CAP2: variants seen among roughly 807,000 people sequenced by gnomAD.
The protein encoded by CAP2 is adenylyl cyclase-associated protein 2.
A neutral mutation model predicts 57.7 loss-of-function variants in CAP2; 24 were observed. The observed-to-expected ratio is 0.42, with a 90% CI of 0.30 to 0.58. The LOEUF is 0.58. CAP2 is among the 20% of genes least tolerant of loss of function. The pLI, the probability that CAP2 is intolerant of heterozygous loss-of-function variation, is 0.22. For synonymous variants in CAP2, 194 were observed against 207.2 expected, an observed-to-expected ratio of 0.94 and a Z score of 0.55; for missense variants, 501 against 590.3, an observed-to-expected ratio of 0.85 and a Z score of 1.57.
At chr6:17,467,362 T>C (rs1760891631) in intron 4 of CAP2, among the ~76,000 whole-genome samples, 1 of 152,262 alleles carries the variant, frequency 6.6e-6, no homozygotes. Flanking sequence ...AATGAATTTT[T>C]AAAAACTTTT....
At chr6:17,507,797 C>G in intron 6 of CAP2, 71 bp downstream of exon 6, 1 of 830,064 alleles carries the variant, frequency 1.2e-6, no homozygotes, top group Non-Finnish European at 2.1e-6. Context: ...AAAACTCAGT[C>G]CAGTTAACTA....
intron 3 of CAP2, among the ~76,000 whole-genome samples, chr6:17,459,679 T>A (rs780956035): frequency 1.3e-4 from 20 of 151,952 alleles, no homozygotes; most frequent in Non-Finnish European, 2.8e-4. Context: ...AAAAAGGAAA[T>A]TTAAAGTCTG....
chr6:17,543,569 G>A (rs1350527949), intron 11 of CAP2, among the ~76,000 whole-genome samples: 4 of 147,830 alleles, frequency 2.7e-5, no homozygotes, highest in Non-Finnish European at 4.4e-5. Flanking sequence ...TGCAGTGAGC[G>A]AGCCAAGATC....
intron 3 of CAP2, among the ~76,000 whole-genome samples, chr6:17,431,607 A>G (rs1203263103): frequency 6.6e-6 from 1 of 152,168 alleles, no homozygotes; most frequent in Admixed American, 6.5e-5. Flanking sequence ...ACTTTGTGCC[A>G]TGCTGTTCAG....
intron 11 of CAP2, among the ~76,000 whole-genome samples, chr6:17,548,260 A>G (rs1388154904): frequency 6.6e-6 from 1 of 151,774 alleles, no homozygotes; most frequent in Non-Finnish European, 1.5e-5. Flanking sequence ...TCAGCTACTC[A>G]GGAGGCTGAG....
Position 17,528,619 on chromosome 6 carries a change from G to T in CAP2, c.637-10650G>T, listed in dbSNP as rs80194765. On this transcript the variant is annotated intron_variant, in intron 7 of 12. Coordinates refer to ENST00000229922, the MANE Select transcript of CAP2 (RefSeq NM_006366.3). ...TTTTTTGACCTTTCCCCTGGTCTTT[G>T]TATCTTGGGATAAGGGTGTTTGGAG... Among the ~76,000 whole-genome samples the T allele has an allele frequency of 4.5e-4, 68 of 152,192 alleles. 1 individual carries two copies. Among genetic ancestry groups the T allele is most frequent in the African/African-American group, 1.5e-3 (64 of 41,522 alleles).
intron 3 of CAP2, among the ~76,000 whole-genome samples, chr6:17,455,267 A>C (rs1474839825): frequency 7.1e-6 from 1 of 140,536 alleles, no homozygotes; most frequent in African/African-American, 2.6e-5. Flanking sequence ...TCCTCTAGGA[A>C]TGCTCTACTG....
At chr6:17,464,853 A>G (rs561021953) in intron 4 of CAP2, among the ~76,000 whole-genome samples, 2 of 152,348 alleles carry the variant, frequency 1.3e-5, no homozygotes, top group South Asian at 4.1e-4. Flanking sequence ...ATTCAGCCTT[A>G]GCCTGCCTTT....
At chr6:17,401,215 T>C (rs1368686659) in intron 1 of CAP2, among the ~76,000 whole-genome samples, 1 of 152,200 alleles carries the variant, frequency 6.6e-6, no homozygotes, top group African/African-American at 2.4e-5. Context: ...ATGAATGGAT[T>C]AGTGCCCTTA....
At chr6:17,457,550 A>C (rs534670976) in intron 3 of CAP2, among the ~76,000 whole-genome samples, 1 of 152,356 alleles carries the variant, frequency 6.6e-6, no homozygotes, top group African/African-American at 2.4e-5. Context: ...AGAGTCTGCT[A>C]ATTATGCCCA....
chr6:17,443,691 C>T (rs774003648), intron 3 of CAP2, among the ~76,000 whole-genome samples: 4 of 152,150 alleles, frequency 2.6e-5, no homozygotes, highest in Non-Finnish European at 5.9e-5. Flanking sequence ...TGTATGGGCA[C>T]ACTGGCTGAA....
In CAP2 at chr6:17,478,982, C is replaced by G. The variant is rs189958226; in HGVS notation, c.300+15909C>G. On this transcript the variant is annotated intron_variant, in intron 4 of 12. Coordinates refer to ENST00000229922, the MANE Select transcript of CAP2 (RefSeq NM_006366.3). ...CTGACTTCTCTTCTTCCCTCTATCC[C>G]TTAAGTGTACATATTCCTTTAAGAT... Among the ~76,000 whole-genome samples, 202 of 152,276 alleles carry G rather than the reference C, an allele frequency of 1.3e-3. 4 individuals carry two copies. Among genetic ancestry groups the G allele is most frequent in the African/African-American group, 4.0e-3 (168 of 41,558 alleles).
rs1554127033 is a variant in CAP2 at position 17,496,037 on chromosome 6, G to GGT, written c.301-11131_301-11130insTG. 4.0e-4 allele frequency among the ~76,000 whole-genome samples: 53 copies of GGT among 132,368 alleles called. 2 individuals are homozygous for GGT. In the East Asian group the frequency reaches 7.0e-3, roughly 17 times the overall value. The allele number at this position is 132,368 out of a possible 152,430, so 86.8% of individuals were successfully genotyped here. ...GCATGCGTGTGTGGGTGGGGGGGGGGGGTAAGTCAGGGAAAACAGGCTGCT... is the reference window on the plus strand; with the variant it reads ...GCATGCGTGTGTGGGTGGGGGGGGGGGTGGTAAGTCAGGGAAAACAGGCTGCT... On this transcript the variant is annotated intron_variant, in intron 4 of 12. Coordinates refer to ENST00000229922, the MANE Select transcript of CAP2 (RefSeq NM_006366.3).
intron 7 of CAP2, among the ~76,000 whole-genome samples, chr6:17,525,222 T>C (rs6938022): frequency 0.35 from 53,761 of 151,964 alleles, 10,593 homozygotes; most frequent in African/African-American, 0.54. Flanking sequence ...TATTAAATCT[T>C]TCTCTCCATC....
intron 7 of CAP2, among the ~76,000 whole-genome samples, chr6:17,532,519 G>T (rs1033146514): frequency 4.7e-5 from 7 of 150,500 alleles, no homozygotes; most frequent in Admixed American, 1.3e-4. Flanking sequence ...GCCGAGGTGG[G>T]TGAATCATTT....
At chr6:17,541,510 G>T (rs1762900495) in intron 9 of CAP2, among the ~76,000 whole-genome samples, 1 of 152,006 alleles carries the variant, frequency 6.6e-6, no homozygotes, top group Non-Finnish European at 1.5e-5. Flanking sequence ...AACCCGAGAG[G>T]TGGAGGTTGC....
In CAP2 at chr6:17,514,124, G is replaced by A. The variant is rs563558955; in HGVS notation, c.636+170G>A. 5.3e-5 allele frequency among the ~76,000 whole-genome samples: 8 copies of A among 152,286 alleles called. No homozygotes were observed. In the South Asian group the frequency reaches 1.7e-3, roughly 32 times the overall value. On this transcript the variant is annotated intron_variant, in intron 7 of 12. Transcript: ENST00000229922. ...CACGCCTGTAATCCCAGCACTTTGG[G>A]AGGCTGAGCTGGGCAGATCATTGAG...
At chr6:17,430,282 G>C (rs898752424) in intron 3 of CAP2, among the ~76,000 whole-genome samples, 2 of 152,120 alleles carry the variant, frequency 1.3e-5, no homozygotes, top group African/African-American at 2.4e-5. Context: ...AACTTGTAAA[G>C]CCTTCTTGTG....
intron 1 of CAP2, among the ~76,000 whole-genome samples, chr6:17,404,926 T>A (rs1758917431): frequency 6.6e-6 from 1 of 152,146 alleles, no homozygotes; most frequent in Admixed American, 6.5e-5. Flanking sequence ...CACCAGAAGG[T>A]ATTGTATGAG....
Sources: allele counts gnomAD v4.1 joint callset (sites outside exome capture counted in the v4.1 genomes callset), GRCh38; gene constraint gnomAD v4.1.1; transcripts MANE v1.5; gene names NCBI Gene and HGNC (gene_info 2026-07-23, HGNC 2026-07-21).